Variants in SLC16A4 observed in about 807,000 individuals in gnomAD.
SLC16A4 encodes probable monocarboxylate transporter 5.
A neutral mutation model predicts 47.9 loss-of-function variants in SLC16A4; 39 were observed. That is an observed-to-expected ratio of 0.81 (90% CI 0.63 to 1.06). The LOEUF (loss-of-function observed/expected upper bound fraction) is 1.06. Among genes scored for constraint, SLC16A4 ranks in the 50% least tolerant of loss-of-function variants. SLC16A4 has a pLI of 0.00. For missense variants in SLC16A4, 524 were observed against 573.8 expected (o/e 0.91, Z 0.89); for synonymous variants, 189 against 199.9 (o/e 0.95, Z 0.46).
chr1:110,373,777 C>G (rs972202073), intron 8 of SLC16A4, among the ~76,000 whole-genome samples: 1 of 150,592 alleles, frequency 6.6e-6, no homozygotes, highest in African/African-American at 2.4e-5. Flanking sequence ...TGGGCTCAAG[C>G]AATCCTCCTG....
intron 8 of SLC16A4, chr1:110,372,041 A>G (rs1661714171): frequency 6.6e-6 from 1 of 152,168 alleles, no homozygotes; most frequent in Non-Finnish European, 1.5e-5. Flanking sequence ...AAAAATAAGA[A>G]TATGGTTCTA....
chr1:110,385,242 CGT>C (rs1662672009), intron 2 of SLC16A4, among the ~76,000 whole-genome samples: 1 of 152,168 alleles, frequency 6.6e-6, no homozygotes, highest in African/African-American at 2.4e-5. Context: ...CCTACTGGGG[CGT>C]GACCTTGGGC....
At chr1:110,388,360 C>G (rs1662844777) in intron 2 of SLC16A4, among the ~76,000 whole-genome samples, 1 of 152,154 alleles carries the variant, frequency 6.6e-6, no homozygotes, top group South Asian at 2.1e-4. Context: ...ATCAGGCTCC[C>G]CCTTCAAAAT....
chr1:110,381,288 A>C, intron 4 of SLC16A4, 145 bp from the exon 5 acceptor site: 1 of 669,864 alleles, frequency 1.5e-6, no homozygotes, highest in Non-Finnish European at 2.6e-6. Flanking sequence ...TCCATCTTCT[A>C]TCTTCTATGG....
In SLC16A4 at chr1:110,363,884, T is replaced by C. The variant is rs1661218801; in HGVS notation, c.1346A>G (p.Tyr449Cys). 2.5e-6 allele frequency: 4 copies of C among 1,608,008 alleles called. No homozygotes were observed. The highest frequency in any genetic ancestry group is 2.7e-5 in the African/African-American group (2 of 74,614). Residue 449 changes from tyrosine (Y) to cysteine (C), a missense_variant, in exon 9 of 9, where the codon TAT becomes TGT. Physicochemically the swap from Tyr to Cys is radical, Grantham distance 194. Coordinates refer to ENST00000369779, the MANE Select transcript of SLC16A4 (RefSeq NM_004696.3). The part of the protein sequence containing the change: ...LSGPPIAGWL[Y>C]DYTQTYNGSF... ...GCCATTGTATGTCTGGGTATAATCA[T>C]ATAACCAGCCTGGAAGGAAGGAATG...
At chr1:110,371,752 A>G (rs1661698109) in intron 8 of SLC16A4, 1 of 152,180 alleles carries the variant, frequency 6.6e-6, no homozygotes, top group Admixed American at 6.5e-5. Context: ...ACCTGGAACA[A>G]TCCTAAAACT....
At chr1:110,378,124 C>A (rs557833033) in intron 6 of SLC16A4, among the ~76,000 whole-genome samples, 1 of 152,138 alleles carries the variant, frequency 6.6e-6, no homozygotes, top group Admixed American at 6.6e-5. Flanking sequence ...CCACCACGCC[C>A]GGCCAGTTGT....
rs183189346 is a variant in SLC16A4, at chr1:110,371,194, A to T, written c.1336+4264T>A. ...TTACCAAGTAATCAAATAATTACTT[A>T]TAGTGTTTTAGGGAGTTTTCAGAAG... On this transcript the variant is annotated intron_variant, in intron 8 of 8. Coordinates refer to ENST00000369779, the MANE Select transcript of SLC16A4 (RefSeq NM_004696.3). The T allele has an allele frequency of 8.5e-5, 13 of 152,358 alleles. No individual in the cohort carries two copies. In the East Asian group the frequency reaches 2.5e-3, roughly 29 times the overall value. 9.4% of individuals were successfully genotyped at this position (152,358 alleles called of 1,614,324 possible).
chr1:110,375,444 G>C lies in SLC16A4; in HGVS notation c.1336+14C>G. ...TGCTATTGAAATTTGTTCAGAATGT[G>C]GTGAAGGTGTTACCTGCTATAGGTG... On this transcript the variant is annotated intron_variant, in intron 8 of 8. Transcript: ENST00000369779. 3 of 1,497,084 alleles carry C rather than the reference G, an allele frequency of 2.0e-6. No individual in the cohort carries two copies. The highest frequency in any genetic ancestry group is 1.9e-6 in the Non-Finnish European group (2 of 1,073,296). 92.7% of individuals were successfully genotyped at this position (1,497,084 alleles called of 1,614,324 possible). A position where few individuals can be genotyped will look rare whatever the true frequency, so the allele number is the denominator to read the frequency against.
chr1:110,384,585 G>T (rs989093209), intron 2 of SLC16A4, among the ~76,000 whole-genome samples: 6 of 152,202 alleles, frequency 3.9e-5, no homozygotes, highest in African/African-American at 1.4e-4. Context: ...ATCCCACAGG[G>T]GTCTAGAGGG....
At position 110,363,710 on chromosome 1, in the gene SLC16A4, A is replaced by G; in HGVS notation, c.*56T>C. On this transcript the variant is annotated 3_prime_UTR_variant, in exon 9 of 9. Coordinates refer to ENST00000369779, the MANE Select transcript of SLC16A4 (RefSeq NM_004696.3). ...TTCTTTCAAGCTTTTGTTTCCAATG[A>G]CATTAGTTTAGGTTTTCTTTTGTTT... The G allele has an allele frequency of 1.4e-6, 2 of 1,471,438 alleles. No homozygotes were observed. The highest frequency in any genetic ancestry group is 1.8e-6 in the Non-Finnish European group (2 of 1,102,424). 91.1% of individuals were successfully genotyped at this position (1,471,438 alleles called of 1,614,324 possible). A position where few individuals can be genotyped will look rare whatever the true frequency, so the allele number is the denominator to read the frequency against.
In SLC16A4 at chr1:110,389,127, C is replaced by T. The variant is rs1203534669; in HGVS notation, c.87+110G>A. ...GGCCTTGTTCCTGCCCACCCCTCCACTCAGATGCCAAAGATTTCCTAAGTG... is the reference window on the plus strand; with the variant it reads ...GGCCTTGTTCCTGCCCACCCCTCCATTCAGATGCCAAAGATTTCCTAAGTG... On this transcript the variant is annotated intron_variant, in intron 2 of 8. Coordinates refer to ENST00000369779, the MANE Select transcript of SLC16A4 (RefSeq NM_004696.3). 5.1e-6 allele frequency: 5 copies of T among 983,758 alleles called. No homozygotes were observed. The East Asian group carries it at 9.7e-5, about 19-fold the overall frequency. 60.9% of individuals were successfully genotyped at this position (983,758 alleles called of 1,614,324 possible). A position where few individuals can be genotyped will look rare whatever the true frequency, so the allele number is the denominator to read the frequency against.
rs71096348 is a variant in SLC16A4, at chr1:110,383,805, G to GTTTTTTTTTTTTTTT, written c.88-854_88-840dup. ...TTTTGGAAAGGGCTGTTAAAAGGAG[G>GTTTTTTTTTTTTTTT]TTTTTTTTTTTTTTTTTTTTTTTTT... On this transcript the variant is annotated intron_variant, in intron 2 of 8. Transcript: ENST00000369779. Among the ~76,000 whole-genome samples the GTTTTTTTTTTTTTTT allele has an allele frequency of 1.7e-4, 11 of 65,760 alleles. 1 individual carries two copies. The East Asian group carries it at 2.1e-3, about 13-fold the overall frequency. The allele number at this position is 65,760 out of a possible 152,430, so 43.1% of individuals were successfully genotyped here.
At chr1:110,364,823 T>TAA (rs1183928908) in intron 8 of SLC16A4, among the ~76,000 whole-genome samples, 1 of 152,084 alleles carries the variant, frequency 6.6e-6, no homozygotes, top group African/African-American at 2.4e-5. Context: ...AAGTGCTTTT[T>TAA]AAAAGCATAA....
chr1:110,367,028 T>C (rs900897038), intron 8 of SLC16A4, among the ~76,000 whole-genome samples: 1 of 152,238 alleles, frequency 6.6e-6, no homozygotes, highest in Non-Finnish European at 1.5e-5. Flanking sequence ...AAATATGAGG[T>C]AAAATGTAGG....
At chr1:110,381,289 T>G (rs1468221937) in intron 4 of SLC16A4, 146 bp from the exon 5 acceptor site, 3 of 668,806 alleles carry the variant, frequency 4.5e-6, no homozygotes, top group Admixed American at 5.7e-5. Context: ...CCATCTTCTA[T>G]CTTCTATGGA....
At chr1:110,376,724 T>A (rs1557906762) in intron 7 of SLC16A4, among the ~76,000 whole-genome samples, 2 of 150,458 alleles carry the variant, frequency 1.3e-5, no homozygotes, top group African/African-American at 2.5e-5. Context: ...TGATCCCTTT[T>A]TTGCTTTAAT....
intron 1 of SLC16A4, 105 bp from the exon 2 acceptor site, chr1:110,389,460 A>G: frequency 1.3e-6 from 1 of 755,020 alleles, no homozygotes; most frequent in South Asian, 1.7e-5. Flanking sequence ...TGGGAATGCA[A>G]ATTAGTTCAG....
intron 8 of SLC16A4, among the ~76,000 whole-genome samples, chr1:110,373,676 ATTT>A (rs1237142099): frequency 3.7e-5 from 5 of 134,798 alleles, no homozygotes; most frequent in Admixed American, 7.5e-5. Context: ...CCCAGTAATA[ATTT>A]TTTTTTTTTT....
Sources: allele counts gnomAD v4.1 joint callset (sites outside exome capture counted in the v4.1 genomes callset), GRCh38; gene constraint gnomAD v4.1.1; transcripts MANE v1.5; gene names NCBI Gene and HGNC (gene_info 2026-07-23, HGNC 2026-07-21).